The following PPARA variants were observed in gnomAD, a reference collection of about 807,000 sequenced individuals.
The protein encoded by PPARA is peroxisome proliferator activated receptor alpha.
In PPARA, 22 loss-of-function variants were observed where a neutral mutation model predicts 42.2. That is an observed-to-expected ratio of 0.52 (90% CI 0.37 to 0.74). The LOEUF is 0.74. Among genes scored for constraint, PPARA ranks in the 30% least tolerant of loss-of-function variants. PPARA has a pLI of 0.00. For missense variants in PPARA, 465 were observed against 608.2 expected, an observed-to-expected ratio of 0.76 and a Z score of 2.48; for synonymous variants, 242 against 239.3, an observed-to-expected ratio of 1.01 and a Z score of -0.10.
At chr22:46,209,075 C>A (rs917138622) in intron 4 of PPARA, among the ~76,000 whole-genome samples, 3 of 152,142 alleles carry the variant, frequency 2.0e-5, no homozygotes, top group African/African-American at 7.2e-5. Context: ...TGGATATAAA[C>A]CCAGAAGTGG....
intron 2 of PPARA, chr22:46,155,147 T>C (rs1378247114): frequency 6.6e-6 from 1 of 151,914 alleles, no homozygotes; most frequent in Non-Finnish European, 1.5e-5. Context: ...TAATGGCAAA[T>C]AGGATGAGTG....
rs1349066879 is a variant in PPARA at position 46,222,765 on chromosome 22, TC to T, written c.711+2754del. Among the ~76,000 whole-genome samples, 5 of 152,224 alleles carry T rather than the reference TC, an allele frequency of 3.3e-5. No individual in the cohort carries two copies. The highest frequency in any genetic ancestry group is 1.2e-4 in the African/African-American group (5 of 41,462). Reference sequence around the variant, plus strand: ...CTGGGCACAGTGGCTCACACTGTAATCCCAGCACTTTGGGAGGCTGAGGCGG... The same window carrying T: ...CTGGGCACAGTGGCTCACACTGTAATCCAGCACTTTGGGAGGCTGAGGCGG... On this transcript the variant is annotated intron_variant, in intron 7 of 8. Coordinates refer to ENST00000407236, the MANE Select transcript of PPARA (RefSeq NM_005036.6). The surrounding 1 kb of genome is among the most constrained non-coding windows in gnomAD (Gnocchi z 5.9).
chr22:46,172,008 G>T (rs556521293), intron 2 of PPARA, among the ~76,000 whole-genome samples: 1 of 152,150 alleles, frequency 6.6e-6, no homozygotes, highest in African/African-American at 2.4e-5. Flanking sequence ...GCTCCACCGC[G>T]TTGGGTGTAG....
At chr22:46,208,647 T>C (rs1203459230) in intron 4 of PPARA, among the ~76,000 whole-genome samples, 1 of 152,142 alleles carries the variant, frequency 6.6e-6, no homozygotes, top group Admixed American at 6.6e-5. Context: ...TCACTAAATC[T>C]TATTCTTCCT....
At chr22:46,175,446 G>A (rs1466091602) in intron 2 of PPARA, among the ~76,000 whole-genome samples, 1 of 151,992 alleles carries the variant, frequency 6.6e-6, no homozygotes, top group Non-Finnish European at 1.5e-5. Context: ...GGGCGCGGTG[G>A]CTCACGCCTG....
rs1472682873 is a variant in PPARA at position 46,173,811 on chromosome 22, CA to C, written c.-126-2939del. ...TGTAGGAGCACACTGCCATTCTTAG[CA>C]AACGTGTAGTTTAGTATTTAGGAGA... On this transcript the variant is annotated intron_variant, in intron 2 of 8. Transcript: ENST00000407236. This position sits in a 1 kb window ranked among gnomAD's most constrained non-coding sequence, Gnocchi z 4.3. Among the ~76,000 whole-genome samples the C allele has an allele frequency of 6.6e-6, 1 of 152,170 alleles. No individual in the cohort carries two copies. Among genetic ancestry groups the C allele is most frequent in the Non-Finnish European group, 1.5e-5 (1 of 68,040 alleles).
Position 46,193,744 on chromosome 22 carries a change from C to T in PPARA, c.-42-4598C>T, listed in dbSNP as rs191963823. On this transcript the variant is annotated intron_variant, in intron 3 of 8. Transcript: ENST00000407236. The surrounding 1 kb of genome is among the most constrained non-coding windows in gnomAD (Gnocchi z 5.3). ...CAGAAGCCCTACCTTTTCCCAACACCCTATCCACCTGTCCCTCACCTCTCA... is the reference window on the plus strand; with the variant it reads ...CAGAAGCCCTACCTTTTCCCAACACTCTATCCACCTGTCCCTCACCTCTCA... Among the ~76,000 whole-genome samples the T allele has an allele frequency of 2.0e-4, 31 of 152,258 alleles. No individual in the cohort carries two copies. The highest frequency in any genetic ancestry group is 6.7e-4 in the African/African-American group (28 of 41,564).
At chr22:46,220,932 G>C (rs1934950701) in intron 7 of PPARA, among the ~76,000 whole-genome samples, 3 of 142,868 alleles carry the variant, frequency 2.1e-5, no homozygotes, top group Admixed American at 2.1e-4. Context: ...GACAGATCGA[G>C]ACCCTATCTC....
intron 4 of PPARA, among the ~76,000 whole-genome samples, chr22:46,199,700 A>T (rs1419079137): frequency 6.6e-6 from 1 of 152,136 alleles, no homozygotes; most frequent in Non-Finnish European, 1.5e-5. Context: ...GAATATTTTT[A>T]TGATCCAATT....
In PPARA at chr22:46,200,024, A is replaced by C. The variant is rs1360270638; in HGVS notation, c.208+1433A>C. ...AGGCATGAGCCACTGCACCCGGCCC[A>C]ATTAAAATCTTTAACACTAAACAAT... On this transcript the variant is annotated intron_variant, in intron 4 of 8. Transcript: ENST00000407236. The surrounding 1 kb of genome is among the most constrained non-coding windows in gnomAD (Gnocchi z 4.8). Among the ~76,000 whole-genome samples, 1 of 152,192 alleles carries C rather than the reference A, an allele frequency of 6.6e-6. No homozygotes were observed. Among genetic ancestry groups the C allele is most frequent in the Non-Finnish European group, 1.5e-5 (1 of 68,030 alleles).
In PPARA at chr22:46,183,277, A is replaced by G. The variant is rs1321813377; in HGVS notation, c.-43+6441A>G. On this transcript the variant is annotated intron_variant, in intron 3 of 8. Transcript: ENST00000407236. The surrounding 1 kb of genome is among the most constrained non-coding windows in gnomAD (Gnocchi z 5.5). ...GGTAATCCTCACATTGCAATTTGTC[A>G]TTAGTTTAAACTTCCAGTCTTTGTT... 6.6e-6 allele frequency among the ~76,000 whole-genome samples: 1 copy of G among 152,256 alleles called. No homozygotes were observed. The highest frequency in any genetic ancestry group is 2.4e-5 in the African/African-American group (1 of 41,466).
Position 46,192,201 on chromosome 22 carries a change from C to T in PPARA, c.-42-6141C>T, listed in dbSNP as rs1031107424. On this transcript the variant is annotated intron_variant, in intron 3 of 8. Transcript: ENST00000407236. The surrounding 1 kb of genome is among the most constrained non-coding windows in gnomAD (Gnocchi z 4.3). ...TACAGTCTAGTAGGAGAGACAGACA[C>T]GTAAAAAGTTTCAACAGCACAGATA... 2.6e-5 allele frequency among the ~76,000 whole-genome samples: 4 copies of T among 152,202 alleles called. No homozygotes were observed. The highest frequency in any genetic ancestry group is 7.2e-5 in the African/African-American group (3 of 41,464).
chr22:46,174,276 A>AGGAAGGAAGGAAGGAAAGGAAGGAAGG (rs1236515954), intron 2 of PPARA, among the ~76,000 whole-genome samples: 1 of 150,532 alleles, frequency 6.6e-6, no homozygotes, highest in Non-Finnish European at 1.5e-5. Flanking sequence ...GAAGGAAGGA[A>AGGAAGGAAGGAAGGAAAGGAAGGAAGG]ATTATGATAA....
At position 46,227,355 on chromosome 22, in the gene PPARA, G is replaced by A. The variant is rs903453564; in HGVS notation, c.712-4437G>A. Among the ~76,000 whole-genome samples, 1 of 152,026 alleles carries A rather than the reference G, an allele frequency of 6.6e-6. No individual in the cohort carries two copies. Among genetic ancestry groups the A allele is most frequent in the East Asian group, 1.9e-4 (1 of 5,194 alleles). ...CAACCTCCCCCTCCTGGGTTCAAGC[G>A]ATTCTCCTGCCTCAGCCTCCTAAGT... On this transcript the variant is annotated intron_variant, in intron 7 of 8. Transcript: ENST00000407236. The surrounding 1 kb of genome is among the most constrained non-coding windows in gnomAD (Gnocchi z 4.3).
chr22:46,185,388 T>C (rs1930516879), intron 3 of PPARA, among the ~76,000 whole-genome samples: 1 of 152,150 alleles, frequency 6.6e-6, no homozygotes, highest in African/African-American at 2.4e-5. Context: ...GTCTCCCATT[T>C]CTCATAACTT....
rs142076839 is a variant in PPARA at position 46,197,879 on chromosome 22, G to A, written c.-42-463G>A. Among the ~76,000 whole-genome samples the A allele has an allele frequency of 6.6e-3, 993 of 151,410 alleles. 7 individuals carry two copies. The highest frequency in any genetic ancestry group is 0.023 in the African/African-American group (936 of 41,218). The stretch of plus-strand genomic sequence containing the variant: ...AGATCGCACCACTGTACTCCAGCCT[G>A]GGCGACAAGAGCAAGACTCTATCTC... On this transcript the variant is annotated intron_variant, in intron 3 of 8. Coordinates refer to ENST00000407236, the MANE Select transcript of PPARA (RefSeq NM_005036.6).
intron 3 of PPARA, among the ~76,000 whole-genome samples, chr22:46,179,117 TGG>T (rs1033837412): frequency 6.6e-6 from 1 of 152,172 alleles, no homozygotes; most frequent in Admixed American, 6.5e-5. Context: ...AGTCCTATCA[TGG>T]GGGCCCCACC....
rs981673397 is a variant in PPARA, at chr22:46,196,244, C to T, written c.-42-2098C>T. ...TGTCACTTATACCCCTATGGAAATG[C>T]CGTTCGCTTTGCTAGTTGAAATAGC... On this transcript the variant is annotated intron_variant, in intron 3 of 8. Coordinates refer to ENST00000407236, the MANE Select transcript of PPARA (RefSeq NM_005036.6). This position sits in a 1 kb window ranked among gnomAD's most constrained non-coding sequence, Gnocchi z 5.6. Among the ~76,000 whole-genome samples, 1 of 152,196 alleles carries T rather than the reference C, an allele frequency of 6.6e-6. No individual in the cohort carries two copies. Among genetic ancestry groups the T allele is most frequent in the Non-Finnish European group, 1.5e-5 (1 of 68,034 alleles).
rs1936007495 is a variant in PPARA, at chr22:46,233,259, T to A, written c.1159+1020T>A. ...AGTGGCAGTGACTGCAAGGTTTGCT[T>A]TGCCCGAGGAAGCAGATCCCAGGGA... On this transcript the variant is annotated intron_variant, in intron 8 of 8. Coordinates refer to ENST00000407236, the MANE Select transcript of PPARA (RefSeq NM_005036.6). This position sits in a 1 kb window ranked among gnomAD's most constrained non-coding sequence, Gnocchi z 7.3. 6.6e-6 allele frequency among the ~76,000 whole-genome samples: 1 copy of A among 152,150 alleles called. No individual in the cohort carries two copies. The highest frequency in any genetic ancestry group is 6.6e-5 in the Admixed American group (1 of 15,264).
Sources: gnomAD v4.1 joint callset for allele counts (sites outside exome capture counted in the v4.1 genomes callset) on GRCh38, gnomAD v4.1.1 for gene constraint, Gnocchi (gnomAD v3.1) non-coding constraint, MANE v1.5 for transcripts, NCBI Gene and HGNC (gene_info 2026-07-23, HGNC 2026-07-21) for gene names.